MAPK10: variants seen among roughly 807,000 people sequenced by gnomAD.
The protein encoded by MAPK10 is JNK3 alpha protein kinase.
MAPK10 carries 25 observed loss-of-function variants against 59.3 expected under a neutral mutation model. That is an observed-to-expected ratio of 0.42 (90% CI 0.31 to 0.59). The LOEUF is 0.59. MAPK10 is among the 20% of genes least tolerant of loss of function. MAPK10 has a pLI of 0.15. For synonymous variants in MAPK10, 190 were observed against 200.5 expected (o/e 0.95, Z 0.44); for missense variants, 351 against 568.9 (o/e 0.62, Z 3.90).
At chr4:86,460,153 T>G (rs552262443) in intron 1 of MAPK10, among the ~76,000 whole-genome samples, 4 of 152,224 alleles carry the variant, frequency 2.6e-5, no homozygotes, top group African/African-American at 9.6e-5. Flanking sequence ...CAGACTGAGA[T>G]GTTCAGACTC....
chr4:86,356,259 A>T (rs185346207), intron 1 of MAPK10, among the ~76,000 whole-genome samples: 1 of 152,294 alleles, frequency 6.6e-6, no homozygotes, highest in African/African-American at 2.4e-5. Context: ...TTCAATTTCC[A>T]TTCCTACTAG....
At chr4:86,565,122 G>A (rs1760968665) in intron 1 of MAPK10, among the ~76,000 whole-genome samples, 1 of 152,196 alleles carries the variant, frequency 6.6e-6, no homozygotes, top group Non-Finnish European at 1.5e-5. Context: ...GGAGAGGGAA[G>A]ATGAGTCCGC....
chr4:86,151,391 G>T (rs1299977879), intron 4 of MAPK10, among the ~76,000 whole-genome samples: 1 of 152,134 alleles, frequency 6.6e-6, no homozygotes, highest in Admixed American at 6.5e-5. Flanking sequence ...TATGCAAAAT[G>T]GTTGCTGAGC....
chr4:86,350,450 G>A (rs530696645), intron 2 of MAPK10, among the ~76,000 whole-genome samples: 6 of 152,194 alleles, frequency 3.9e-5, no homozygotes, highest in South Asian at 2.1e-4. Flanking sequence ...TCCTGACCTC[G>A]TGATCCGCCC....
chr4:86,324,423 T>TAA (rs538799675), intron 2 of MAPK10, among the ~76,000 whole-genome samples: 1 of 137,354 alleles, frequency 7.3e-6, no homozygotes, highest in African/African-American at 2.7e-5. Flanking sequence ...CTCAAAAAAA[T>TAA]AAAAAAAAAA....
intron 1 of MAPK10, among the ~76,000 whole-genome samples, chr4:86,488,975 C>T (rs1485922426): frequency 2.6e-5 from 4 of 152,302 alleles, no homozygotes; most frequent in Non-Finnish European, 5.9e-5. Flanking sequence ...TTTGCGCATT[C>T]GGGCTTGTTC....
chr4:86,243,626 T>C (rs1185247877), intron 2 of MAPK10, among the ~76,000 whole-genome samples: 1 of 152,088 alleles, frequency 6.6e-6, no homozygotes, highest in African/African-American at 2.4e-5. Context: ...TGAACCTCTC[T>C]TCTCCCAGAT....
At chr4:86,395,194 C>G (rs147028905) in intron 1 of MAPK10, among the ~76,000 whole-genome samples, 1 of 151,726 alleles carries the variant, frequency 6.6e-6, no homozygotes, top group Non-Finnish European at 1.5e-5. Context: ...ATAATCATAC[C>G]AAAAAAGAAG....
intron 2 of MAPK10, among the ~76,000 whole-genome samples, chr4:86,319,004 C>T (rs17449582): frequency 0.28 from 42,590 of 152,030 alleles, 6,589 homozygotes; most frequent in Non-Finnish European, 0.35. Flanking sequence ...GTTTATTGAA[C>T]CTCTGAGTTG....
chr4:86,423,099 T>C (rs1746750337), intron 1 of MAPK10, among the ~76,000 whole-genome samples: 1 of 152,182 alleles, frequency 6.6e-6, no homozygotes, highest in South Asian at 2.1e-4. Flanking sequence ...TATTTACATA[T>C]ACATTAGCAT....
intron 2 of MAPK10, among the ~76,000 whole-genome samples, chr4:86,333,936 ACTT>A (rs538086959): frequency 1.8e-4 from 27 of 152,028 alleles, no homozygotes; most frequent in Admixed American, 1.6e-3. Context: ...TTCTCTGGTC[ACTT>A]CTTCTTTGTT....
At chr4:86,378,504 AT>A (rs1270127568) in intron 1 of MAPK10, among the ~76,000 whole-genome samples, 1 of 152,140 alleles carries the variant, frequency 6.6e-6, no homozygotes, top group Admixed American at 6.5e-5. Flanking sequence ...GACATATTAA[AT>A]GTTGATATGT....
intron 1 of MAPK10, among the ~76,000 whole-genome samples, chr4:86,573,214 G>T (rs138342710): frequency 6.6e-6 from 1 of 152,164 alleles, no homozygotes; most frequent in African/African-American, 2.4e-5. Flanking sequence ...TACTATCAAA[G>T]GTCACAAAGA....
At chr4:86,345,409 A>T (rs1727554690) in intron 2 of MAPK10, among the ~76,000 whole-genome samples, 2 of 152,198 alleles carry the variant, frequency 1.3e-5, no homozygotes, top group South Asian at 4.1e-4. Context: ...CTTATCTTGA[A>T]ATTATTCTTT....
intron 2 of MAPK10, among the ~76,000 whole-genome samples, chr4:86,279,687 G>C (rs1395043556): frequency 2.6e-5 from 4 of 152,056 alleles, no homozygotes; most frequent in Non-Finnish European, 4.4e-5. Flanking sequence ...CATTACTAGG[G>C]GGGGCTCAAC....
At chr4:86,212,477 C>T (rs777671652) in intron 2 of MAPK10, among the ~76,000 whole-genome samples, 1 of 151,960 alleles carries the variant, frequency 6.6e-6, no homozygotes, top group Non-Finnish European at 1.5e-5. Context: ...GCCATTATTA[C>T]ACCACTGCAC....
At chr4:86,303,902 AAATC>A (rs2095514783) in intron 2 of MAPK10, among the ~76,000 whole-genome samples, 1 of 152,194 alleles carries the variant, frequency 6.6e-6, no homozygotes, top group Non-Finnish European at 1.5e-5. Context: ...TACCACTACG[AAATC>A]ATAGAATAGT....
chr4:86,049,534 A>G (rs1037304423), intron 11 of MAPK10, among the ~76,000 whole-genome samples: 1 of 151,982 alleles, frequency 6.6e-6, no homozygotes, highest in Non-Finnish European at 1.5e-5. Context: ...TAACATTTCC[A>G]TTTTTCTTAT....
chr4:86,098,134 A>G (rs1363594088), intron 9 of MAPK10, among the ~76,000 whole-genome samples: 1 of 152,212 alleles, frequency 6.6e-6, no homozygotes, highest in Non-Finnish European at 1.5e-5. Flanking sequence ...TTATGCCTAA[A>G]TATTGTAGAA....
Sources: gnomAD v4.1 joint callset for allele counts (sites outside exome capture counted in the v4.1 genomes callset) on GRCh38, gnomAD v4.1.1 for gene constraint, MANE v1.5 for transcripts, NCBI Gene and HGNC (gene_info 2026-07-23, HGNC 2026-07-21) for gene names.